The following PPP2R5C variants were observed in gnomAD, a reference collection of about 807,000 sequenced individuals.
The protein encoded by PPP2R5C is protein phosphatase 2 regulatory subunit B'gamma.
PPP2R5C carries 7 observed loss-of-function variants against 68.9 expected under a neutral mutation model. The observed-to-expected ratio is 0.10, with a 90% CI of 0.06 to 0.19. The LOEUF (loss-of-function observed/expected upper bound fraction) is 0.19, where lower values mean the gene tolerates loss of function less well. Ranked by LOEUF, PPP2R5C falls within the 10% of genes least tolerant of loss-of-function variation. PPP2R5C has a pLI of 1.00. For synonymous variants in PPP2R5C, 210 were observed against 222.2 expected, an observed-to-expected ratio of 0.95 and a Z score of 0.49; for missense variants, 348 against 641.3, an observed-to-expected ratio of 0.54 and a Z score of 4.94.
In PPP2R5C at chr14:101,797,323, C is replaced by T. The variant is rs927779113; in HGVS notation, c.259+11140C>T. 5.3e-5 allele frequency: 24 copies of T among 455,828 alleles called. No individual in the cohort carries two copies. Among genetic ancestry groups the T allele is most frequent in the Admixed American group, 1.6e-4 (7 of 42,540 alleles). The allele number at this position is 455,828 out of a possible 1,614,324, so 28.2% of individuals were successfully genotyped here. ...GCGTATCCCCCAATCAGTGGATGGA[C>T]GCGTGGGTTGCAGAGCACGCCACAC... On this transcript the variant is annotated intron_variant, in intron 3 of 14. Coordinates refer to the PPP2R5C transcript ENST00000328724. The surrounding 1 kb of genome is among the most constrained non-coding windows in gnomAD (Gnocchi z 4.2).
rs565521981 is a variant in PPP2R5C, at chr14:101,889,179, C to T, written c.630-1058C>T. Among the ~76,000 whole-genome samples the T allele has an allele frequency of 7.5e-4, 114 of 152,270 alleles. 1 individual carries two copies. The highest frequency in any genetic ancestry group is 5.0e-4 in the Non-Finnish European group (34 of 68,024). On this transcript the variant is annotated intron_variant, in intron 5 of 13. Transcript: ENST00000334743. ...TTTCATTTGTTTCAAACAAAGTGAA[C>T]GAAATTTCAGAGTTGAATTTTTTAA...
At chr14:101,804,756 A>G (rs1012204003) in intron 3 of PPP2R5C, among the ~76,000 whole-genome samples, 12 of 152,312 alleles carry the variant, frequency 7.9e-5, no homozygotes, top group African/African-American at 2.4e-4. Flanking sequence ...GGGATGGTCA[A>G]TGGGTACAAA....
intron 5 of PPP2R5C, 117 bp from the exon 8 acceptor site, chr14:101,890,120 T>C (rs1056725467): frequency 5.5e-6 from 5 of 912,948 alleles, no homozygotes; most frequent in Non-Finnish European, 8.8e-6. Flanking sequence ...CCACGAGCAG[T>C]GTTTGCACAA....
In PPP2R5C at chr14:101,879,273, C is replaced by T. The variant is rs1310129882; in HGVS notation, c.295-2888C>T. On this transcript the variant is annotated intron_variant, in intron 2 of 13. Transcript: ENST00000334743. The surrounding 1 kb of genome is among the most constrained non-coding windows in gnomAD (Gnocchi z 4.2). ...CCTCGGCCAGAATGGTGGTCTCTTC[C>T]TCTGTGGCATGTCTGTGACTCTTGG... The T allele has an allele frequency of 2.0e-5, 3 of 152,622 alleles. No individual in the cohort carries two copies. The highest frequency in any genetic ancestry group is 3.8e-4 in the East Asian group (2 of 5,206). The allele number at this position is 152,622 out of a possible 1,614,324, so 9.5% of individuals were successfully genotyped here.
chr14:101,868,799 C>T (rs1227707634), intron 2 of PPP2R5C, among the ~76,000 whole-genome samples: 2 of 152,162 alleles, frequency 1.3e-5, no homozygotes, highest in African/African-American at 4.8e-5. Flanking sequence ...TTTTTATTTA[C>T]ATATAGTGAA....
Position 101,889,641 on chromosome 14 carries a change from A to C in PPP2R5C, c.630-596A>C, listed in dbSNP as rs1043212023. 2.6e-5 allele frequency among the ~76,000 whole-genome samples: 4 copies of C among 152,310 alleles called. No individual in the cohort carries two copies. In the South Asian group the frequency reaches 8.3e-4, roughly 32 times the overall value. ...CAGTGGACAGAGATGTCTCAGAGGA[A>C]GGGAGCTGGGTCTGTCGCAGATGGG... On this transcript the variant is annotated intron_variant, in intron 5 of 13. Coordinates refer to ENST00000334743, the Ensembl canonical transcript of PPP2R5C.
intron 2 of PPP2R5C, among the ~76,000 whole-genome samples, chr14:101,867,347 T>C (rs2140720600): frequency 6.6e-6 from 1 of 152,066 alleles, no homozygotes; most frequent in Non-Finnish European, 1.5e-5. Flanking sequence ...AGCTTAAGGC[T>C]GCAATGAGGT....
intron 1 of PPP2R5C, among the ~76,000 whole-genome samples, chr14:101,838,542 C>T (rs1008213212): frequency 1.3e-5 from 2 of 152,330 alleles, no homozygotes; most frequent in East Asian, 1.9e-4. Context: ...AACGAGCAGG[C>T]GGTCTTCCCA....
intron 2 of PPP2R5C, among the ~76,000 whole-genome samples, chr14:101,857,383 A>G (rs1201157795): frequency 2.0e-5 from 3 of 151,700 alleles, no homozygotes; most frequent in Non-Finnish European, 4.4e-5. Flanking sequence ...CAGTGCTGGG[A>G]TCAGGACAGC....
In PPP2R5C at chr14:101,877,025, T is replaced by C. The variant is rs2043829490; in HGVS notation, c.295-5136T>C. Reference sequence around the variant, plus strand: ...GTGCAGTGGTGCAATCTCGGTTCACTGCAACTTCCACCTCCCAGATTCAAG... The same window carrying C: ...GTGCAGTGGTGCAATCTCGGTTCACCGCAACTTCCACCTCCCAGATTCAAG... On this transcript the variant is annotated intron_variant, in intron 2 of 13. Transcript: ENST00000334743. This position sits in a 1 kb window ranked among gnomAD's most constrained non-coding sequence, Gnocchi z 4.2. Among the ~76,000 whole-genome samples, 1 of 142,320 alleles carries C rather than the reference T, an allele frequency of 7.0e-6. No individual in the cohort carries two copies. The highest frequency in any genetic ancestry group is 2.3e-4 in the South Asian group (1 of 4,292). The allele number at this position is 142,320 out of a possible 152,430, so 93.4% of individuals were successfully genotyped here.
chr14:101,816,881 TTATA>T (rs112532945), intron 1 of PPP2R5C, among the ~76,000 whole-genome samples: 7 of 136,744 alleles, frequency 5.1e-5, no homozygotes, highest in Non-Finnish European at 4.6e-5. Flanking sequence ...TATATATATA[TTATA>T]TATATATTAT....
intron 3 of PPP2R5C, among the ~76,000 whole-genome samples, chr14:101,802,724 A>C (rs977451856): frequency 6.6e-6 from 1 of 152,168 alleles, no homozygotes; most frequent in African/African-American, 2.4e-5. Flanking sequence ...AAAATCATAT[A>C]ACTGATAAGG....
chr14:101,819,302 G>A (rs1320971462), intron 1 of PPP2R5C: 2 of 459,544 alleles, frequency 4.4e-6, no homozygotes, highest in Non-Finnish European at 7.8e-6. Flanking sequence ...GGCCCCTGGG[G>A]TCACAGAGCT....
rs1365366859 is a variant in PPP2R5C at position 101,887,939 on chromosome 14, TG to T, written c.630-2297del. On this transcript the variant is annotated intron_variant, in intron 5 of 13. Coordinates refer to ENST00000334743, the Ensembl canonical transcript of PPP2R5C. Reference sequence around the variant, plus strand: ...ACTCTCTCCGGCTCCCAGGGATCTCTGTTTCCCTCCCAGGGTGTCCCTGTTT... The same window carrying T: ...ACTCTCTCCGGCTCCCAGGGATCTCTTTTCCCTCCCAGGGTGTCCCTGTTT... Among the ~76,000 whole-genome samples, 6 of 152,174 alleles carry T rather than the reference TG, an allele frequency of 3.9e-5. No individual in the cohort carries two copies. The East Asian group carries it at 1.2e-3, about 29-fold the overall frequency.
intron 9 of PPP2R5C, among the ~76,000 whole-genome samples, chr14:101,904,973 G>T (rs1357194300): frequency 1.3e-5 from 2 of 152,252 alleles, no homozygotes; most frequent in African/African-American, 4.8e-5. Flanking sequence ...ATAGGGTAGG[G>T]TATGAACAGT....
At chr14:101,814,166 T>C (rs1415398592) in intron 1 of PPP2R5C, among the ~76,000 whole-genome samples, 2 of 152,174 alleles carry the variant, frequency 1.3e-5, no homozygotes, top group Non-Finnish European at 2.9e-5. Flanking sequence ...GAAGGAAAAA[T>C]GTTTGAATGA....
chr14:101,819,268 C>A, intron 1 of PPP2R5C: 1 of 569,138 alleles, frequency 1.8e-6, no homozygotes, highest in Non-Finnish European at 3.1e-6. Context: ...TTGCATGGAG[C>A]AGTGTTCACC....
intron 3 of PPP2R5C, among the ~76,000 whole-genome samples, chr14:101,800,157 G>A (rs66477156): frequency 0.12 from 18,777 of 152,114 alleles, 1,286 homozygotes; most frequent in Admixed American, 0.18. Context: ...GCTGAGGTGG[G>A]GGGATCACTT....
At chr14:101,818,625 C>T (rs1328460784) in intron 1 of PPP2R5C, 7 of 191,022 alleles carry the variant, frequency 3.7e-5, no homozygotes, top group Admixed American at 1.7e-4. Flanking sequence ...CAGAGTGAGA[C>T]TCTGTCTCAA....
Sources: gnomAD v4.1 joint callset for allele counts (sites outside exome capture counted in the v4.1 genomes callset) on GRCh38, gnomAD v4.1.1 for gene constraint, Gnocchi (gnomAD v3.1) non-coding constraint, MANE v1.5 for transcripts, NCBI Gene and HGNC (gene_info 2026-07-23, HGNC 2026-07-21) for gene names.